MAP3K5: variants seen among roughly 807,000 people sequenced by gnomAD.
MAP3K5 encodes the protein ASK-1.
In MAP3K5, 56 loss-of-function variants were observed where a neutral mutation model predicts 158.7. The ratio of observed to expected loss-of-function variants is 0.35; its 90% confidence interval spans 0.28 to 0.44. The LOEUF (loss-of-function observed/expected upper bound fraction) is 0.44. Among genes scored for constraint, MAP3K5 ranks in the 20% least tolerant of loss-of-function variants. MAP3K5 has a pLI of 1.00. For missense variants in MAP3K5, 1,294 were observed against 1,674.8 expected (o/e 0.77, Z 3.97); for synonymous variants, 579 against 601.7 (o/e 0.96, Z 0.55).
At chr6:136,688,348 C>G (rs1037818871) in intron 7 of MAP3K5, among the ~76,000 whole-genome samples, 1 of 151,896 alleles carries the variant, frequency 6.6e-6, no homozygotes, top group Non-Finnish European at 1.5e-5. Flanking sequence ...CAGCAAACCA[C>G]CATGGCATAT....
intron 29 of MAP3K5, 72 bp downstream of exon 29, chr6:136,558,728 G>A: frequency 1.0e-6 from 1 of 962,000 alleles, no homozygotes; most frequent in Admixed American, 1.8e-5. Context: ...GACCCAGCCT[G>A]GGAAGATACT....
intron 1 of MAP3K5, among the ~76,000 whole-genome samples, chr6:136,761,587 G>A (rs1305232557): frequency 1.3e-5 from 2 of 152,200 alleles, no homozygotes; most frequent in Non-Finnish European, 2.9e-5. Context: ...AAGGACAGAT[G>A]TGCACCAGGG....
intron 14 of MAP3K5, chr6:136,630,412 T>C (rs1258858622): frequency 6.6e-6 from 1 of 151,592 alleles, no homozygotes; most frequent in African/African-American, 2.4e-5. Context: ...TGCCTACCAT[T>C]CAATAGCTGT....
chr6:136,617,673 C>A (rs1776624542), intron 15 of MAP3K5, among the ~76,000 whole-genome samples: 1 of 152,270 alleles, frequency 6.6e-6, no homozygotes, highest in Non-Finnish European at 1.5e-5. Flanking sequence ...GTGGTTCACT[C>A]CTGTAATCCC....
intron 15 of MAP3K5, among the ~76,000 whole-genome samples, 169 bp from the exon 16 acceptor site, chr6:136,614,455 GT>G (rs1168805148): frequency 6.6e-6 from 1 of 152,144 alleles, no homozygotes; most frequent in Non-Finnish European, 1.5e-5. Flanking sequence ...GGTTGAAGGT[GT>G]GGTAGGATCT....
intron 26 of MAP3K5, among the ~76,000 whole-genome samples, chr6:136,563,175 G>A (rs1452972530): frequency 3.9e-5 from 6 of 152,088 alleles, no homozygotes; most frequent in African/African-American, 9.7e-5. Flanking sequence ...TGTGCTTGCC[G>A]ACAAGAATTC....
In MAP3K5 at chr6:136,720,599, G is replaced by A; in HGVS notation, c.449-10C>T. On this transcript the variant is annotated splice_polypyrimidine_tract_variant and intron_variant, in intron 1 of 29. Coordinates refer to ENST00000359015, the MANE Select transcript of MAP3K5 (RefSeq NM_005923.4). ...TCCACCACCGCAATATCTGCAAACA[G>A]AAAACAAAGTCCCCCAAAGAATGAC... 1 of 1,600,772 alleles carries A rather than the reference G, an allele frequency of 6.2e-7. No individual in the cohort carries two copies. Among genetic ancestry groups the A allele is most frequent in the Non-Finnish European group, 8.5e-7 (1 of 1,173,832 alleles).
At chr6:136,780,486 T>G (rs1219125024) in intron 1 of MAP3K5, among the ~76,000 whole-genome samples, 9 of 152,204 alleles carry the variant, frequency 5.9e-5, no homozygotes, top group Non-Finnish European at 2.9e-5. Context: ...TCTCATTATA[T>G]AATGAATTAA....
rs1452375249 is a variant in MAP3K5, at chr6:136,737,035, G to GTATATATA, written c.449-16447_449-16446insTATATATA. On this transcript the variant is annotated intron_variant, in intron 1 of 29. Transcript: ENST00000359015. Reference sequence around the variant, plus strand: ...ATTAATTTTACATATATATATGTGTGTGTATATATATATATATATATAAAC... The same window carrying GTATATATA: ...ATTAATTTTACATATATATATGTGTGTATATATATGTATATATATATATATATATAAAC... 7.9e-4 allele frequency among the ~76,000 whole-genome samples: 94 copies of GTATATATA among 118,700 alleles called. No individual in the cohort carries two copies. In the Middle Eastern group the frequency reaches 0.012, roughly 15 times the overall value. The allele number at this position is 118,700 out of a possible 152,430, so 77.9% of individuals were successfully genotyped here.
chr6:136,630,862 G>A lies in MAP3K5; in HGVS notation c.2016+6463C>T, dbSNP rs551105188. Among the ~76,000 whole-genome samples the A allele has an allele frequency of 3.3e-5, 5 of 152,274 alleles. No individual in the cohort carries two copies. In the East Asian group the frequency reaches 9.6e-4, roughly 29 times the overall value. ...GAATAAATTTTGGCTAGGCATGGTG[G>A]CTCACATCTGTAATCTCTGCATTTT... On this transcript the variant is annotated intron_variant, in intron 14 of 29. Transcript: ENST00000359015.
At chr6:136,661,587 A>C (rs555318061) in intron 8 of MAP3K5, among the ~76,000 whole-genome samples, 1 of 152,154 alleles carries the variant, frequency 6.6e-6, no homozygotes, top group South Asian at 2.1e-4. Flanking sequence ...TCCTGGAAAA[A>C]CAAGGTTTCG....
intron 1 of MAP3K5, among the ~76,000 whole-genome samples, chr6:136,789,951 GA>G (rs1785002194): frequency 6.6e-6 from 1 of 151,794 alleles, no homozygotes; most frequent in Admixed American, 6.6e-5. Flanking sequence ...CTTGGCCTCC[GA>G]AAGTGCTGGG....
chr6:136,761,823 A>C (rs1384989068), intron 1 of MAP3K5, among the ~76,000 whole-genome samples: 1 of 152,212 alleles, frequency 6.6e-6, no homozygotes, highest in Admixed American at 6.5e-5. Context: ...ATTTCATAGT[A>C]ACTACTCCGA....
chr6:136,666,450 C>T lies in MAP3K5; in HGVS notation c.1366+2833G>A, dbSNP rs76919301. ...TGGTTATTATAAGAACTCGGTAATT[C>T]GGAATAATTTGTATGTTTGCAGAGG... On this transcript the variant is annotated intron_variant, in intron 8 of 29. Coordinates refer to ENST00000359015, the MANE Select transcript of MAP3K5 (RefSeq NM_005923.4). 5.6e-3 allele frequency among the ~76,000 whole-genome samples: 853 copies of T among 152,136 alleles called. 9 individuals carry two copies. Among genetic ancestry groups the T allele is most frequent in the African/African-American group, 0.017 (690 of 41,480 alleles).
At chr6:136,724,191 G>C (rs913185261) in intron 1 of MAP3K5, among the ~76,000 whole-genome samples, 15 of 150,950 alleles carry the variant, frequency 9.9e-5, no homozygotes, top group African/African-American at 3.6e-4. Flanking sequence ...TGTGGAATTA[G>C]ATGCTAAAAT....
chr6:136,667,810 C>T (rs1258680052), intron 8 of MAP3K5, among the ~76,000 whole-genome samples: 1 of 151,326 alleles, frequency 6.6e-6, no homozygotes, highest in African/African-American at 2.4e-5. Context: ...GTGATTGTGC[C>T]ATTGTGCCCT....
chr6:136,757,586 A>ATTTTTTTTT (rs897486770), intron 1 of MAP3K5, among the ~76,000 whole-genome samples: 3 of 127,818 alleles, frequency 2.3e-5, no homozygotes, highest in Non-Finnish European at 3.2e-5. Context: ...TTTATTTTTT[A>ATTTTTTTTT]TTTTTTTTTT....
Position 136,592,616 on chromosome 6 carries a change from T to C in MAP3K5, c.2879-2A>G. The C allele has an allele frequency of 1.2e-6, 2 of 1,611,950 alleles. No homozygotes were observed. Among genetic ancestry groups the C allele is most frequent in the South Asian group, 2.2e-5 (2 of 91,022 alleles). ...GCAAGGATATACTCCTGAGATATTC[T>C]GCTTGTGATGAGAGGAGGGAAAAGA... On this transcript the variant is annotated splice_acceptor_variant, in intron 21 of 29. Transcript: ENST00000359015. LOFTEE classifies it high-confidence loss of function.
chr6:136,611,302 G>C lies in MAP3K5; in HGVS notation c.2501C>G (p.Pro834Arg). The change falls in exon 18 of 30, where the codon CCC becomes CGC. Residue 834 changes from proline (P) to arginine (R), a missense_variant. Physicochemically the swap from Pro to Arg is moderately radical, Grantham distance 103 (BLOSUM62 -2). Coordinates refer to ENST00000359015, the MANE Select transcript of MAP3K5 (RefSeq NM_005923.4). ...GTSKRLAGINPCTETFTGTLQ... is the reference protein window; with the variant it reads ...GTSKRLAGINRCTETFTGTLQ... ...CATACCAGTAAAAGTTTCAGTACAG[G>C]GGTTTATGCCAGCAAGCCTCTTTGA... 1.9e-6 allele frequency: 3 copies of C among 1,611,664 alleles called. No individual in the cohort carries two copies. The highest frequency in any genetic ancestry group is 2.2e-5 in the East Asian group (1 of 44,844).
Sources: gnomAD v4.1 joint callset for allele counts (sites outside exome capture counted in the v4.1 genomes callset) on GRCh38, gnomAD v4.1.1 for gene constraint, MANE v1.5 for transcripts, NCBI Gene and HGNC (gene_info 2026-07-23, HGNC 2026-07-21) for gene names.